Variants in FCRL3 observed in about 807,000 individuals in gnomAD.
The protein encoded by FCRL3 is Fc receptor like 3.
Under a neutral mutation model 75.0 loss-of-function variants are expected in FCRL3, and 89 were observed. That is an observed-to-expected ratio of 1.19 (90% CI 1.00 to 1.42). FCRL3 has a LOEUF of 1.42. Ranked by LOEUF, FCRL3 falls within the 40% of genes most tolerant of loss-of-function variation. The pLI is 0.00. For synonymous variants in FCRL3, 376 were observed against 348.5 expected (o/e 1.08, Z -0.88); for missense variants, 946 against 880.0 (o/e 1.07, Z -0.95).
chr1:157,680,680 A>G (rs756823347), intron 13 of FCRL3, 22 bp downstream of exon 13: 8 of 1,609,016 alleles, frequency 5.0e-6, no homozygotes, highest in East Asian at 2.2e-5. Flanking sequence ...CCTCACCTCT[A>G]TTTGCCTGAA....
At chr1:157,694,887 A>G (rs1051160164) in intron 8 of FCRL3, among the ~76,000 whole-genome samples, 22 of 152,132 alleles carry the variant, frequency 1.4e-4, no homozygotes, top group Admixed American at 1.1e-3. Flanking sequence ...CCATGAAGAG[A>G]GACACTTTAA....
In FCRL3 at chr1:157,690,522, G is replaced by A. The variant is rs369593542; in HGVS notation, c.1423C>T (p.Arg475Cys). The change falls in exon 9 of 15, where the codon CGC becomes TGC. Residue 475 changes from arginine to cysteine, a missense_variant. Physicochemically the swap from Arg to Cys is radical, Grantham distance 180. Coordinates refer to ENST00000368184, the MANE Select transcript of FCRL3 (RefSeq NM_052939.4). ...GGAGCCCTGAGGGTGAGGACGGGGC[G>A]AGACACCGGAACTGAGGGAGGAAAA... The part of the protein sequence containing the change: ...VSLRVTVPVS[R>C]PVLTLRAPGA... 1.2e-5 allele frequency: 19 copies of A among 1,613,904 alleles called. No individual in the cohort carries two copies. Among genetic ancestry groups the A allele is most frequent in the Admixed American group, 1.7e-5 (1 of 59,978 alleles).
At position 157,678,631 on chromosome 1, in the gene FCRL3, A is replaced by G; in HGVS notation, c.*79T>C. The stretch of plus-strand genomic sequence containing the variant: ...GCCTCGTAGGAGGCAGAGTCTGGAG[A>G]GATGGATGATGTGTGGTTGGAGAGA... On this transcript the variant is annotated 3_prime_UTR_variant, in exon 15 of 15. Coordinates refer to ENST00000368184, the MANE Select transcript of FCRL3 (RefSeq NM_052939.4). 1 of 1,585,286 alleles carries G rather than the reference A, an allele frequency of 6.3e-7. No homozygotes were observed. The highest frequency in any genetic ancestry group is 1.7e-5 in the Admixed American group (1 of 58,406).
chr1:157,694,576 T>A (rs1655767555), intron 8 of FCRL3, among the ~76,000 whole-genome samples: 1 of 152,102 alleles, frequency 6.6e-6, no homozygotes, highest in African/African-American at 2.4e-5. Flanking sequence ...CCCTCTCCCA[T>A]CCTCCAAATG....
Position 157,677,119 on chromosome 1 carries a change from G to T in FCRL3, c.*1591C>A, listed in dbSNP as rs1654511851. On this transcript the variant is annotated 3_prime_UTR_variant, in exon 15 of 15. Transcript: ENST00000368184. ...AAAGGCCAGGATAAGGGTAACAGAG[G>T]CCAGTGGGAGCAGTGTGGATTGATC... 2 of 1,069,990 alleles carry T rather than the reference G, an allele frequency of 1.9e-6. No individual in the cohort carries two copies. Among genetic ancestry groups the T allele is most frequent in the African/African-American group, 1.6e-5 (1 of 61,144 alleles). The allele number at this position is 1,069,990 out of a possible 1,614,324, so 66.3% of individuals were successfully genotyped here.
At chr1:157,682,707 C>CT (rs1654926282) in intron 11 of FCRL3, among the ~76,000 whole-genome samples, 2 of 152,200 alleles carry the variant, frequency 1.3e-5, no homozygotes, top group Non-Finnish European at 2.9e-5. Context: ...TAAACCTTGT[C>CT]TTTTTTAAAA....
At position 157,680,982 on chromosome 1, in the gene FCRL3, A is replaced by T. The variant is rs778720169; in HGVS notation, c.1956T>A (p.Asn652Lys). 4.6e-5 allele frequency: 73 copies of T among 1,578,896 alleles called. No individual in the cohort carries two copies. Among genetic ancestry groups the T allele is most frequent in the Non-Finnish European group, 6.1e-5 (71 of 1,166,784 alleles). The change falls in exon 12 of 15, where the codon AAT becomes AAA. Residue 652 changes from asparagine to lysine, a missense_variant and splice_region_variant. Asn to Lys is a moderately conservative substitution (Grantham distance 94). Coordinates refer to ENST00000368184, the MANE Select transcript of FCRL3 (RefSeq NM_052939.4). ...APMELEPMYS[N>K]VNPGDSNPIY... ...TTCTGCCCCCTAGGGAGTCCTCACC[A>T]TTGCTGTACATTGGCTCCAGCTCCA...
In FCRL3 at chr1:157,690,487, C is replaced by T; in HGVS notation, c.1458G>A (p.Gln486=). Residue 486 remains glutamine (Q), a synonymous_variant, in exon 9 of 15, where the codon CAG becomes CAA. Transcript: ENST00000368184. ...GCTCCAGCAGGTCCCCCACCACAGC[C>T]TGGGCCCCGGGAGCCCTGAGGGTGA... is the stretch of plus-strand genomic sequence containing the variant. ...PVLTLRAPGA[Q]AVVGDLLELH... 6.2e-7 allele frequency: 1 copy of T among 1,614,260 alleles called. No homozygotes were observed. Among genetic ancestry groups the T allele is most frequent in the Non-Finnish European group, 8.5e-7 (1 of 1,180,042 alleles).
chr1:157,683,622 G>A (rs1654986759), intron 10 of FCRL3, among the ~76,000 whole-genome samples: 1 of 152,122 alleles, frequency 6.6e-6, no homozygotes, highest in Admixed American at 6.6e-5. Context: ...AGGGGCCAAG[G>A]GATGCTCAAA....
chr1:157,695,917 C>T (rs1426539355), intron 7 of FCRL3, 123 bp downstream of exon 7: 1 of 230,974 alleles, frequency 4.3e-6, no homozygotes, highest in Non-Finnish European at 8.6e-6. Context: ...CTCTCTCTCT[C>T]TCTGTCCCCA....
At chr1:157,679,830 C>CAAAAAAAAAAAAAAA (rs1166825112) in intron 13 of FCRL3, among the ~76,000 whole-genome samples, 5 of 49,912 alleles carry the variant, frequency 1.0e-4, no homozygotes, top group African/African-American at 1.8e-4. Flanking sequence ...CCCCATCTCA[C>CAAAAAAAAAAAAAAA]AAAAAAAAAA....
At chr1:157,698,757 TG>T in intron 3 of FCRL3, 128 bp from the exon 4 acceptor site, 1 of 884,160 alleles carries the variant, frequency 1.1e-6, no homozygotes, top group East Asian at 2.6e-5. Context: ...GGTGGAAAAT[TG>T]AGCAGAAATA....
intron 8 of FCRL3, among the ~76,000 whole-genome samples, chr1:157,691,035 G>GTATGTATGTATCTATC (rs1445038353): frequency 3.3e-5 from 5 of 151,662 alleles, no homozygotes; most frequent in East Asian, 1.9e-4. Context: ...ATGTATGTAT[G>GTATGTATGTATCTATC]TATCTATCTA....
At chr1:157,681,877 T>C (rs1377446557) in intron 11 of FCRL3, among the ~76,000 whole-genome samples, 2 of 152,096 alleles carry the variant, frequency 1.3e-5, no homozygotes, top group African/African-American at 4.8e-5. Flanking sequence ...AAAGTGTTCC[T>C]ATTTCTCCAC....
intron 9 of FCRL3, 142 bp from the exon 10 acceptor site, chr1:157,690,059 G>T: frequency 7.4e-7 from 1 of 1,356,866 alleles, no homozygotes; most frequent in Non-Finnish European, 1.0e-6. Flanking sequence ...GCATATGAAA[G>T]GTATTCTCCA....
chr1:157,695,291 G>C lies in FCRL3; in HGVS notation c.1411+38C>G. On this transcript the variant is annotated intron_variant, in intron 8 of 14. Transcript: ENST00000368184. ...TATTTCTGAGAAGACATGATCTGTT[G>C]TATTGGCTGTTAACTGCTGTGGGTA... 1.9e-6 allele frequency: 3 copies of C among 1,586,808 alleles called. No individual in the cohort carries two copies. The East Asian group carries it at 6.7e-5, about 35-fold the overall frequency.
At chr1:157,695,993 A>G (rs1269857642) in intron 7 of FCRL3, 47 bp downstream of exon 7, 1 of 1,526,344 alleles carries the variant, frequency 6.6e-7, no homozygotes, top group Admixed American at 1.9e-5. Flanking sequence ...AGAGAACCTA[A>G]ACCCTGGCTT....
In FCRL3 at chr1:157,696,216, G is replaced by C; in HGVS notation, c.956C>G (p.Thr319Arg). 1 of 1,613,998 alleles carries C rather than the reference G, an allele frequency of 6.2e-7. No individual in the cohort carries two copies. Among genetic ancestry groups the C allele is most frequent in the Non-Finnish European group, 8.5e-7 (1 of 1,180,008 alleles). ...CSVAQGSGTVTFSWHKEGRVR... is the reference protein window; with the variant it reads ...CSVAQGSGTVRFSWHKEGRVR... ...TCTTCCTTCTTTGTGCCAGGAGAAT[G>C]TGACAGTCCCTGAACCCTGGGCTAC... The change falls in exon 7 of 15, where the codon ACA (threonine) becomes AGA (arginine). Residue 319 changes from threonine (T) to arginine (R), a missense_variant. Thr to Arg is a moderately conservative substitution (Grantham distance 71). Coordinates refer to ENST00000368184, the MANE Select transcript of FCRL3 (RefSeq NM_052939.4).
chr1:157,689,665 G>A (rs1339472563), intron 10 of FCRL3, 133 bp downstream of exon 10: 2 of 1,172,204 alleles, frequency 1.7e-6, no homozygotes, highest in Non-Finnish European at 2.3e-6. Flanking sequence ...TGCCTACAGA[G>A]TGACAGTGAG....
Sources: allele counts gnomAD v4.1 joint callset (sites outside exome capture counted in the v4.1 genomes callset), GRCh38; gene constraint gnomAD v4.1.1; transcripts MANE v1.5; gene names NCBI Gene and HGNC (gene_info 2026-07-23, HGNC 2026-07-21).